Variants in PARVG observed in about 807,000 individuals in gnomAD.
PARVG encodes the protein parvin gamma, also known as gamma-parvin.
PARVG carries 36 observed loss-of-function variants against 44.4 expected under a neutral mutation model. The observed-to-expected ratio is 0.81, with a 90% CI of 0.62 to 1.07. The LOEUF (loss-of-function observed/expected upper bound fraction) is 1.07, where lower values mean the gene tolerates loss of function less well. PARVG is among the 50% of genes least tolerant of loss of function. The pLI is 0.00. For missense variants in PARVG, 407 were observed against 407.4 expected (o/e 1.00, Z 0.01); for synonymous variants, 170 against 174.1 (o/e 0.98, Z 0.19).
intron 8 of PARVG, among the ~76,000 whole-genome samples, chr22:44,193,065 G>T (rs1347675576): frequency 6.6e-6 from 1 of 152,198 alleles, no homozygotes; most frequent in Non-Finnish European, 1.5e-5. Flanking sequence ...GGCAGCCTTG[G>T]CCTCTGTGCT....
chr22:44,187,766 G>A lies in PARVG; in HGVS notation c.145-10G>A, dbSNP rs374223735. The A allele has an allele frequency of 2.5e-6, 4 of 1,614,068 alleles. No homozygotes were observed. Among genetic ancestry groups the A allele is most frequent in the African/African-American group, 1.3e-5 (1 of 74,946 alleles). On this transcript the variant is annotated splice_polypyrimidine_tract_variant and intron_variant, in intron 4 of 13. Transcript: ENST00000444313. ...CATCCCCCCAAAAGTTGTCCCCTTG[G>A]AGCCTGCAGGTGTTGATGGAGTGGA...
In PARVG at chr22:44,206,711, C is replaced by T. The variant is rs1569191092; in HGVS notation, c.*285C>T. On this transcript the variant is annotated 3_prime_UTR_variant, in exon 14 of 14. Transcript: ENST00000444313. ...GCCCTTAAACCTGCAGCCTCCCTCC[C>T]ATGGGGTGAGTGTGTGTCACATCAG... 2.4e-6 allele frequency: 1 copy of T among 421,326 alleles called. No homozygotes were observed. Among genetic ancestry groups the T allele is most frequent in the Middle Eastern group, 7.0e-4 (1 of 1,420 alleles). The allele number at this position is 421,326 out of a possible 1,614,324, so 26.1% of individuals were successfully genotyped here. A position where few individuals can be genotyped will look rare whatever the true frequency, so the allele number is the denominator to read the frequency against.
At chr22:44,191,329 C>A (rs538576172) in intron 7 of PARVG, among the ~76,000 whole-genome samples, 1 of 151,616 alleles carries the variant, frequency 6.6e-6, no homozygotes, top group Non-Finnish European at 1.5e-5. Flanking sequence ...GAGGGCTTGC[C>A]TCTGACTCGC....
Position 44,196,293 on chromosome 22 carries a change from C to T in PARVG, c.643-54C>T, listed in dbSNP as rs867022319. The T allele has an allele frequency of 2.5e-5, 41 of 1,613,816 alleles. No homozygotes were observed. The South Asian group carries it at 3.1e-4, about 12-fold the overall frequency. On this transcript the variant is annotated intron_variant, in intron 10 of 13. Transcript: ENST00000444313. ...CCACCTGCGCTGTAGGAGGGAATCA[C>T]GGGTCCTCCCATCACACCTGCTGTG...
Position 44,182,161 on chromosome 22 carries a change from C to T in PARVG, c.-13+244C>T, listed in dbSNP as rs533961203. ...GCCTCTGAACTTCAGCCAACCCCTC[C>T]GTCTCCAGGTGAAGAAACTGAGGCC... On this transcript the variant is annotated intron_variant, in intron 2 of 13. Transcript: ENST00000444313. This position sits in a 1 kb window ranked among gnomAD's most constrained non-coding sequence, Gnocchi z 4.6. Among the ~76,000 whole-genome samples the T allele has an allele frequency of 2.6e-5, 4 of 152,318 alleles. 1 individual carries two copies. The highest frequency in any genetic ancestry group is 2.0e-4 in the Admixed American group (3 of 15,306).
intron 11 of PARVG, among the ~76,000 whole-genome samples, chr22:44,197,361 G>A (rs1300259244): frequency 1.3e-5 from 2 of 152,162 alleles, no homozygotes; most frequent in Non-Finnish European, 2.9e-5. Flanking sequence ...CTCTGAAGTG[G>A]GAACTGTACT....
exon 1 of PARVG, chr22:44,173,175 C>T: frequency 7.9e-7 from 1 of 1,270,680 alleles, no homozygotes. Context: ...AAGAGGGCAG[C>T]AGAGTCACAG....
At chr22:44,184,921 T>C (rs2054441928) in intron 3 of PARVG, 1 of 152,240 alleles carries the variant, frequency 6.6e-6, no homozygotes, top group Non-Finnish European at 1.5e-5. Flanking sequence ...CTAAAAGTTC[T>C]GGCAAGCAGA....
intron 4 of PARVG, chr22:44,186,230 G>T: frequency 3.2e-6 from 1 of 307,912 alleles, no homozygotes; most frequent in South Asian, 2.9e-5. Flanking sequence ...GCTGTGGTTT[G>T]ACACGAGCTG....
intron 6 of PARVG, 48 bp from the exon 7 acceptor site, chr22:44,190,503 C>T (rs759139789): frequency 9.7e-6 from 14 of 1,442,800 alleles, no homozygotes; most frequent in Admixed American, 8.4e-5. Flanking sequence ...TTTGGCTGCA[C>T]GTTTTGGCGG....
At chr22:44,196,885 C>T (rs1159752507) in intron 11 of PARVG, among the ~76,000 whole-genome samples, 1 of 152,172 alleles carries the variant, frequency 6.6e-6, no homozygotes, top group Non-Finnish European at 1.5e-5. Context: ...TGACTTAAGT[C>T]GAATTTTCCC....
intron 11 of PARVG, among the ~76,000 whole-genome samples, chr22:44,198,125 C>T (rs2054642168): frequency 6.6e-6 from 1 of 152,206 alleles, no homozygotes; most frequent in African/African-American, 2.4e-5. Flanking sequence ...TTCCAATATC[C>T]CATCCTGTGT....
At chr22:44,176,511 A>G (rs141174575), upstream of PARVG, among the ~76,000 whole-genome samples, 189 of 152,306 alleles carry the variant, frequency 1.2e-3, 1 homozygote, top group African/African-American at 4.5e-3. Flanking sequence ...TGTCAAAAGG[A>G]CAGAGGCACA....
At chr22:44,176,940 A>G (rs538603626), upstream of PARVG, among the ~76,000 whole-genome samples, 50 of 152,272 alleles carry the variant, frequency 3.3e-4, no homozygotes, top group Middle Eastern at 3.4e-3. Flanking sequence ...AACCAGTCTC[A>G]TGAGACTTAT....
At chr22:44,180,695 T>C (rs765933169), upstream of PARVG, among the ~76,000 whole-genome samples, 6 of 152,216 alleles carry the variant, frequency 3.9e-5, no homozygotes, top group African/African-American at 1.2e-4. Flanking sequence ...ATTATGTTTG[T>C]TTCATCACCA....
intron 11 of PARVG, among the ~76,000 whole-genome samples, chr22:44,197,000 G>A (rs916412282): frequency 6.6e-6 from 1 of 152,218 alleles, no homozygotes; most frequent in African/African-American, 2.4e-5. Context: ...GGGAGCAGGG[G>A]GTGCACAGTA....
intron 8 of PARVG, among the ~76,000 whole-genome samples, chr22:44,192,435 A>G (rs944628652): frequency 6.6e-6 from 1 of 152,160 alleles, no homozygotes; most frequent in African/African-American, 2.4e-5. Context: ...GCAAAGCTGT[A>G]AGAGTTAGAG....
chr22:44,203,616 G>A (rs945200234), intron 12 of PARVG, among the ~76,000 whole-genome samples: 4 of 152,192 alleles, frequency 2.6e-5, no homozygotes, highest in Admixed American at 1.3e-4. Context: ...TTCTCACTCC[G>A]ACATTTACTC....
upstream of PARVG, chr22:44,180,795 A>T: frequency 3.2e-6 from 1 of 310,496 alleles, no homozygotes; most frequent in Non-Finnish European, 4.7e-6. Flanking sequence ...TCCTGCTCTC[A>T]CACACTCCTT....
Sources: gnomAD v4.1 joint callset for allele counts (sites outside exome capture counted in the v4.1 genomes callset) on GRCh38, gnomAD v4.1.1 for gene constraint, Gnocchi (gnomAD v3.1) non-coding constraint, MANE v1.5 for transcripts, NCBI Gene and HGNC (gene_info 2026-07-23, HGNC 2026-07-21) for gene names.